The following AHNAK variants were observed in gnomAD, a reference collection of about 807,000 sequenced individuals.
AHNAK encodes neuroblast differentiation-associated protein AHNAK.
AHNAK carries 23 observed loss-of-function variants against 37.8 expected under a neutral mutation model. The observed-to-expected ratio is 0.61, with a 90% confidence interval of 0.44 to 0.86. The LOEUF is 0.86. AHNAK is among the 40% of genes least tolerant of loss of function. The pLI is 0.00. For synonymous variants in AHNAK, 2,481 were observed against 2,636.3 expected (o/e 0.94, Z 1.80); for missense variants, 7,411 against 7,319.4 (o/e 1.01, Z -0.46).
chr11:62,434,932 CAAAAAAAA>C (rs55712038), intron 5 of AHNAK, among the ~76,000 whole-genome samples: 3 of 84,382 alleles, frequency 3.6e-5, no homozygotes, highest in South Asian at 1.0e-3. Context: ...GACCCTGTCT[CAAAAAAAA>C]AAAAAAAAAA....
Position 62,520,354 on chromosome 11 carries a change from A to G in AHNAK, c.14063T>C (p.Val4688Ala), listed in dbSNP as rs1940190729. The G allele has an allele frequency of 5.6e-6, 9 of 1,612,706 alleles. No homozygotes were observed. The highest frequency in any genetic ancestry group is 6.8e-6 in the Non-Finnish European group (8 of 1,179,726). The change falls in exon 5 of 5, where the codon GTG (valine) becomes GCG (alanine). Residue 4688 changes from valine to alanine, a missense_variant. Val to Ala is a moderately conservative substitution (Grantham distance 64, BLOSUM62 0). Transcript: ENST00000378024. The part of the protein sequence containing the change: ...KADIDVSGPK[V>A]DVDVPDVNIE... ...ATTCACATCAGGAACATCAACGTCC[A>G]CTTTGGGTCCTGAGACATCAATGTC...
chr11:62,436,718 C>T (rs1469348797), intron 5 of AHNAK, among the ~76,000 whole-genome samples: 4 of 151,408 alleles, frequency 2.6e-5, no homozygotes, highest in Non-Finnish European at 5.9e-5. Flanking sequence ...GGGTGGATCA[C>T]GAGGTCAGGA....
In AHNAK at chr11:62,530,607, C is replaced by G; in HGVS notation, c.3810G>C (p.Glu1270Asp). Residue 1270 changes from glutamate (E) to aspartate (D), a missense_variant, in exon 5 of 5, where the codon GAG becomes GAC. Physicochemically the swap from Glu to Asp is conservative, Grantham distance 45. Coordinates refer to ENST00000378024, the MANE Select transcript of AHNAK (RefSeq NM_001620.3). ...GCAGGTTCACATCCACTTCTCGGCCCTCTCCTTTGAAGCCAGGCATGCTAA... is the reference window on the plus strand; with the variant it reads ...GCAGGTTCACATCCACTTCTCGGCCGTCTCCTTTGAAGCCAGGCATGCTAA... ...PKFSMPGFKGEGREVDVNLPK... is the reference protein window; with the variant it reads ...PKFSMPGFKGDGREVDVNLPK... The G allele has an allele frequency of 6.2e-7, 1 of 1,613,218 alleles. No homozygotes were observed. The highest frequency in any genetic ancestry group is 2.2e-5 in the East Asian group (1 of 44,788).
chr11:62,444,039 G>A (rs554194350), intron 5 of AHNAK, among the ~76,000 whole-genome samples: 21 of 152,152 alleles, frequency 1.4e-4, no homozygotes, highest in Admixed American at 1.2e-3. Context: ...TCCAATGCAC[G>A]ATGGACACTC....
chr11:62,491,834 A>G, intron 4 of AHNAK: 1 of 1,608,048 alleles, frequency 6.2e-7, no homozygotes, highest in East Asian at 2.2e-5. Flanking sequence ...GGTGTGTTCT[A>G]ACAAGGATAA....
At chr11:62,444,153 C>A (rs1285087130) in intron 5 of AHNAK, among the ~76,000 whole-genome samples, 1 of 152,188 alleles carries the variant, frequency 6.6e-6, no homozygotes, top group Non-Finnish European at 1.5e-5. Context: ...TCGTAACAAC[C>A]CTGGCGATAA....
chr11:62,476,102 A>G (rs1426199924), intron 5 of AHNAK, among the ~76,000 whole-genome samples: 1 of 152,202 alleles, frequency 6.6e-6, no homozygotes, highest in Non-Finnish European at 1.5e-5. Context: ...CGGCCCAGGA[A>G]CCGCTAATGA....
At chr11:62,535,311 G>C (rs1294683490) in intron 3 of AHNAK, 121 bp from the exon 4 acceptor site, 5 of 874,492 alleles carry the variant, frequency 5.7e-6, no homozygotes, top group Non-Finnish European at 8.8e-6. Context: ...AGGTGGGCAT[G>C]GTAATACCCA....
intron 5 of AHNAK, among the ~76,000 whole-genome samples, chr11:62,437,322 A>G (rs1022803008): frequency 2.6e-5 from 4 of 152,166 alleles, no homozygotes; most frequent in African/African-American, 7.2e-5. Context: ...TTGTACATAC[A>G]TTATTGTCAG....
rs374646835 is a variant in AHNAK at position 62,469,012 on chromosome 11, T to C, written c.442+22720A>G. Among the ~76,000 whole-genome samples, 194 of 152,366 alleles carry C rather than the reference T, an allele frequency of 1.3e-3. 6 individuals are homozygous for C. In the South Asian group the frequency reaches 0.039, roughly 31 times the overall value. ...ATTGGTTTGTTCTTTTTTGTGTATA[T>C]GGAGAACGAGGTCTCACTATTTTGC... On this transcript the variant is annotated intron_variant, in intron 5 of 5. Coordinates refer to the AHNAK transcript ENST00000257247.
chr11:62,459,668 C>T (rs1213496832), intron 5 of AHNAK, among the ~76,000 whole-genome samples: 5 of 152,102 alleles, frequency 3.3e-5, no homozygotes, highest in Non-Finnish European at 1.5e-5. Context: ...AGGCCAGATG[C>T]GTAGAATAGT....
In AHNAK at chr11:62,523,102, C is replaced by T; in HGVS notation, c.11315G>A (p.Gly3772Asp). 1.2e-6 allele frequency: 2 copies of T among 1,614,008 alleles called. No individual in the cohort carries two copies. Among genetic ancestry groups the T allele is most frequent in the East Asian group, 2.2e-5 (1 of 44,872 alleles). The part of the protein sequence containing the change: ...DVDVSLPKME[G>D]DLKGPEVDIK... ...GTCAACTTCAGGACCCTTGAGGTCA[C>T]CTTCCATTTTGGGCAGAGAAACATC... Residue 3772 changes from glycine to aspartate, a missense_variant, in exon 5 of 5, where the codon GGT becomes GAT. Physicochemically the swap from Gly to Asp is moderately conservative, Grantham distance 94 (BLOSUM62 -1). Coordinates refer to ENST00000378024, the MANE Select transcript of AHNAK (RefSeq NM_001620.3).
chr11:62,433,848 A>C, exon 6 of AHNAK: 1 of 1,613,776 alleles, frequency 6.2e-7, no homozygotes, highest in African/African-American at 1.3e-5. Flanking sequence ...TCACAAAAAC[A>C]ACCTTAAGAG....
In AHNAK at chr11:62,519,278, G is replaced by A; in HGVS notation, c.15139C>T (p.Pro5047Ser). The change falls in exon 5 of 5, where the codon CCT becomes TCT. Residue 5047 changes from proline (P) to serine (S), a missense_variant. Pro to Ser is a moderately conservative substitution (Grantham distance 74). Transcript: ENST00000378024. The stretch of plus-strand genomic sequence containing the variant: ...AGGCTGGCATCAATTTCACCCCCAG[G>A]AACATTCAGGTCAAATCCCTGTTTT... ...AKKQGFDLNV[P>S]GGEIDASLKA... 1 of 1,614,112 alleles carries A rather than the reference G, an allele frequency of 6.2e-7. No homozygotes were observed.
downstream of AHNAK, among the ~76,000 whole-genome samples, chr11:62,514,789 T>C (rs1939978343): frequency 6.6e-6 from 1 of 152,152 alleles, no homozygotes; most frequent in South Asian, 2.1e-4. Context: ...AACCTATCTC[T>C]TTCCAAATCC....
In AHNAK at chr11:62,516,743, G is replaced by C; in HGVS notation, c.*1C>G. On this transcript the variant is annotated 3_prime_UTR_variant, in exon 5 of 5. Transcript: ENST00000378024. ...TATATGTACACACATACAAAGGCCT[G>C]CTACTCTTTCTTTGTGGAAACTGAC... 6.2e-7 allele frequency: 1 copy of C among 1,607,100 alleles called. No individual in the cohort carries two copies. The highest frequency in any genetic ancestry group is 1.3e-5 in the African/African-American group (1 of 74,692).
Position 62,523,616 on chromosome 11 carries a change from T to C in AHNAK, c.10801A>G (p.Lys3601Glu). 6.2e-7 allele frequency: 1 copy of C among 1,614,204 alleles called. No homozygotes were observed. Among genetic ancestry groups the C allele is most frequent in the Non-Finnish European group, 8.5e-7 (1 of 1,180,038 alleles). Residue 3601 changes from lysine to glutamate, a missense_variant, in exon 5 of 5, where the codon AAG becomes GAG. Coordinates refer to ENST00000378024, the MANE Select transcript of AHNAK (RefSeq NM_001620.3). The stretch of plus-strand genomic sequence containing the variant: ...TTGGGCATTTTCACTTTGGGCATCT[T>C]CAGATGCCAGTCTGGACCATGAACA... ...VDVHGPDWHLKMPKVKMPKFS... is the reference protein window; with the variant it reads ...VDVHGPDWHLEMPKVKMPKFS...
At position 62,517,693 on chromosome 11, in the gene AHNAK, C is replaced by T. The variant is rs536810067; in HGVS notation, c.16724G>A (p.Gly5575Asp). The T allele has an allele frequency of 6.2e-7, 1 of 1,614,188 alleles. No individual in the cohort carries two copies. Among genetic ancestry groups the T allele is most frequent in the Non-Finnish European group, 8.5e-7 (1 of 1,180,034 alleles). ...AAGGCTGATGTCTGGGGCACTGACA[C>T]CCCCTGAAACATCCGCACCTCCTTT... is the stretch of plus-strand genomic sequence containing the variant. Reference protein sequence around the residue: ...KIKGGADVSGGVSAPDISLGE... With the variant: ...KIKGGADVSGDVSAPDISLGE... Residue 5575 changes from glycine to aspartate, a missense_variant, in exon 5 of 5, where the codon GGT (glycine) becomes GAT (aspartate). Physicochemically the swap from Gly to Asp is moderately conservative, Grantham distance 94. Coordinates refer to ENST00000378024, the MANE Select transcript of AHNAK (RefSeq NM_001620.3).
chr11:62,496,562 C>A (rs1340884877), intron 4 of AHNAK, among the ~76,000 whole-genome samples: 1 of 151,924 alleles, frequency 6.6e-6, no homozygotes, highest in Non-Finnish European at 1.5e-5. Flanking sequence ...TTTGGGAGGC[C>A]GAGGCGGGCA....
Sources: gnomAD v4.1 joint callset for allele counts (sites outside exome capture counted in the v4.1 genomes callset) on GRCh38, gnomAD v4.1.1 for gene constraint, MANE v1.5 for transcripts, NCBI Gene and HGNC (gene_info 2026-07-23, HGNC 2026-07-21) for gene names.